The following DNAI3 variants were observed in gnomAD, a reference collection of about 807,000 sequenced individuals.
The protein encoded by DNAI3 is WD repeat domain 63.
A neutral mutation model predicts 115.5 loss-of-function variants in DNAI3; 83 were observed. The observed-to-expected ratio is 0.72, with a 90% CI of 0.60 to 0.86. The LOEUF is 0.86. Among genes scored for constraint, DNAI3 ranks in the 40% least tolerant of loss-of-function variants. The pLI is 0.00. For synonymous variants in DNAI3, 320 were observed against 347.0 expected, an observed-to-expected ratio of 0.92 and a Z score of 0.86; for missense variants, 1,004 against 1,075.8, an observed-to-expected ratio of 0.93 and a Z score of 0.93.
chr1:85,098,567 C>T lies in DNAI3; in HGVS notation c.1388C>T (p.Ala463Val). ...FLLEPESNKE[A>V]MYIRHCAVSS... The stretch of plus-strand genomic sequence containing the variant: ...CTTGAACCGGAGAGTAATAAAGAAG[C>T]AATGTATATCAGACACTGTGCAGTC... Residue 463 changes from alanine (A) to valine (V), a missense_variant, in exon 13 of 23, where the codon GCA becomes GTA. Ala to Val is a moderately conservative substitution (Grantham distance 64). This residue lies in a region of DNAI3 where 550 missense variants were observed against 568.1 expected (regional missense o/e 0.97). Coordinates refer to ENST00000294664, the MANE Select transcript of DNAI3 (RefSeq NM_145172.5). The T allele has an allele frequency of 6.2e-7, 1 of 1,613,012 alleles. No homozygotes were observed. Among genetic ancestry groups the T allele is most frequent in the South Asian group, 1.1e-5 (1 of 90,716 alleles).
At chr1:85,094,713 T>C (rs1032223778) in intron 10 of DNAI3, among the ~76,000 whole-genome samples, 158 bp downstream of exon 10, 2 of 152,250 alleles carry the variant, frequency 1.3e-5, no homozygotes, top group Non-Finnish European at 2.9e-5. Flanking sequence ...ATCATTCAAT[T>C]TGAGCAAAAC....
intron 17 of DNAI3, 74 bp from the exon 18 acceptor site, chr1:85,121,677 C>A: frequency 7.3e-7 from 1 of 1,377,020 alleles, no homozygotes; most frequent in Non-Finnish European, 1.0e-6. Context: ...AACAGTCAAT[C>A]TTAGCACATG....
At chr1:85,132,275 T>C (rs912492640) in intron 22 of DNAI3, among the ~76,000 whole-genome samples, 2 of 152,280 alleles carry the variant, frequency 1.3e-5, no homozygotes, top group African/African-American at 4.8e-5. Context: ...GGCTGGCCTG[T>C]GTGAGTGCTC....
intron 20 of DNAI3, among the ~76,000 whole-genome samples, chr1:85,127,949 G>C (rs557840055): frequency 4.6e-5 from 7 of 151,710 alleles, no homozygotes; most frequent in African/African-American, 1.7e-4. Flanking sequence ...CCAAGACCCT[G>C]TCTCTACAAA....
At chr1:85,088,109 A>T (rs1021875196) in intron 7 of DNAI3, among the ~76,000 whole-genome samples, 9 of 148,416 alleles carry the variant, frequency 6.1e-5, no homozygotes, top group Admixed American at 5.4e-4. Flanking sequence ...GGAAGGAGAG[A>T]GGTGATATAT....
In DNAI3 at chr1:85,082,380, A is replaced by G. The variant is rs771050788; in HGVS notation, c.366A>G (p.Glu122=). 1.2e-6 allele frequency: 2 copies of G among 1,613,526 alleles called. No homozygotes were observed. Among genetic ancestry groups the G allele is most frequent in the Admixed American group, 3.3e-5 (2 of 60,002 alleles). ...YGLNFYLIAT[E]EGKENYLNPP... is the part of the protein sequence containing the mutation. Reference sequence around the variant, plus strand: ...TTAACTTTTATCTTATTGCAACTGAAGAGGGCAAAGAAAACTATTTAAATG... The same window carrying G: ...TTAACTTTTATCTTATTGCAACTGAGGAGGGCAAAGAAAACTATTTAAATG... Residue 122 remains glutamate, a synonymous_variant, in exon 5 of 23, where the codon GAA becomes GAG. Transcript: ENST00000294664.
chr1:85,128,125 C>CAAAAA (rs11344833), intron 20 of DNAI3, among the ~76,000 whole-genome samples: 84 of 64,320 alleles, frequency 1.3e-3, no homozygotes, highest in South Asian at 1.7e-3. Context: ...GACCCTGTCT[C>CAAAAA]AAAAAAAAAA....
intron 16 of DNAI3, among the ~76,000 whole-genome samples, chr1:85,114,331 A>G (rs1655751095): frequency 6.6e-6 from 1 of 152,146 alleles, no homozygotes; most frequent in South Asian, 2.1e-4. Context: ...ATCTTTGAAT[A>G]TTAATTTTGT....
chr1:85,090,324 G>T (rs1654935105), intron 8 of DNAI3, 92 bp downstream of exon 8: 2 of 593,290 alleles, frequency 3.4e-6, no homozygotes, highest in Non-Finnish European at 5.4e-6. Context: ...TCCATATAGG[G>T]TATCTAGATA....
intron 3 of DNAI3, among the ~76,000 whole-genome samples, chr1:85,078,097 TG>T (rs1206033079): frequency 5.9e-5 from 9 of 152,154 alleles, no homozygotes; most frequent in Admixed American, 5.9e-4. Context: ...ACATCATCTC[TG>T]TTCCCTCCTT....
At chr1:85,092,449 A>G (rs530964656) in intron 8 of DNAI3, among the ~76,000 whole-genome samples, 30 of 152,308 alleles carry the variant, frequency 2.0e-4, no homozygotes, top group African/African-American at 7.2e-4. Context: ...CCACACCTAT[A>G]TAAAACCAAG....
intron 3 of DNAI3, among the ~76,000 whole-genome samples, chr1:85,073,531 G>A (rs1474792630): frequency 1.3e-5 from 2 of 152,156 alleles, no homozygotes; most frequent in African/African-American, 4.8e-5. Context: ...GTTCCTACAT[G>A]TAAAGGCTAA....
intron 10 of DNAI3, 93 bp from the exon 11 acceptor site, chr1:85,095,837 TA>T: frequency 2.4e-6 from 3 of 1,252,878 alleles, no homozygotes; most frequent in Non-Finnish European, 3.5e-6. Flanking sequence ...TAGATAGCTA[TA>T]AAATTAGACT....
At chr1:85,130,662 A>C (rs1178302949) in intron 22 of DNAI3, among the ~76,000 whole-genome samples, 1 of 145,312 alleles carries the variant, frequency 6.9e-6, no homozygotes, top group African/African-American at 2.5e-5. Context: ...GATAGATTAG[A>C]TAGATGATAG....
At position 85,101,244 on chromosome 1, in the gene DNAI3, T is replaced by C. The variant is rs572319019; in HGVS notation, c.1479+2586T>C. Among the ~76,000 whole-genome samples, 72 of 152,252 alleles carry C rather than the reference T, an allele frequency of 4.7e-4. 1 individual carries two copies. In the Middle Eastern group the frequency reaches 0.01, roughly 22 times the overall value. On this transcript the variant is annotated intron_variant, in intron 13 of 22. Transcript: ENST00000294664. Reference sequence around the variant, plus strand: ...TTTTAAGAGGTATTCAAATGGATGATGCAAAGCAATGATACTTTTAAAAGT... The same window carrying C: ...TTTTAAGAGGTATTCAAATGGATGACGCAAAGCAATGATACTTTTAAAAGT...
chr1:85,082,281 C>A lies in DNAI3; in HGVS notation c.286-19C>A, dbSNP rs916498695. The A allele has an allele frequency of 8.9e-6, 14 of 1,580,886 alleles. No individual in the cohort carries two copies. Among genetic ancestry groups the A allele is most frequent in the Admixed American group, 1.7e-5 (1 of 58,364 alleles). On this transcript the variant is annotated intron_variant, in intron 4 of 22. Transcript: ENST00000294664. ...TGACCATTGAACATTAACTTCCTAT[C>A]TCAATTATATTCTTGTAGGAATATC...
At chr1:85,065,524 G>T (rs1164069716) in intron 1 of DNAI3, among the ~76,000 whole-genome samples, 1 of 152,220 alleles carries the variant, frequency 6.6e-6, no homozygotes, top group Non-Finnish European at 1.5e-5. Flanking sequence ...ACCAGTCTGA[G>T]GTTGGACAGG....
At chr1:85,128,192 A>T (rs1656206928) in intron 20 of DNAI3, among the ~76,000 whole-genome samples, 1 of 151,778 alleles carries the variant, frequency 6.6e-6, no homozygotes, top group Non-Finnish European at 1.5e-5. Context: ...AATCTCAAAT[A>T]CTTTGCATAT....
rs1654335150 is a variant in DNAI3, at chr1:85,073,041, T to G, written c.65-13T>G. 2 of 1,503,888 alleles carry G rather than the reference T, an allele frequency of 1.3e-6. No homozygotes were observed. Among genetic ancestry groups the G allele is most frequent in the African/African-American group, 1.4e-5 (1 of 70,946 alleles). 93.2% of individuals were successfully genotyped at this position (1,503,888 alleles called of 1,614,324 possible). On this transcript the variant is annotated splice_polypyrimidine_tract_variant and intron_variant, in intron 2 of 22. Coordinates refer to ENST00000294664, the MANE Select transcript of DNAI3 (RefSeq NM_145172.5). ...CAAAAATGTAAATTTGACTTCCTTT[T>G]ATTATATTCTAGCTAGTGAAGACAT...
Sources: gnomAD v4.1 joint callset for allele counts (sites outside exome capture counted in the v4.1 genomes callset) on GRCh38, gnomAD v4.1.1 for gene constraint, gnomAD v4.1.1 regional missense constraint, MANE v1.5 for transcripts, NCBI Gene and HGNC (gene_info 2026-07-23, HGNC 2026-07-21) for gene names.